HDGFL3: variants seen among roughly 807,000 people sequenced by gnomAD.
HDGFL3 encodes HDGF like 3.
In HDGFL3, 6 loss-of-function variants were observed where a neutral mutation model predicts 27.6. The observed-to-expected ratio is 0.22, with a 90% CI of 0.12 to 0.43. The LOEUF (loss-of-function observed/expected upper bound fraction) is 0.43. Among genes scored for constraint, HDGFL3 ranks in the 20% least tolerant of loss-of-function variants. The pLI is 1.00. For synonymous variants in HDGFL3, 88 were observed against 88.9 expected (o/e 0.99, Z 0.05); for missense variants, 207 against 250.1 (o/e 0.83, Z 1.16).
chr15:83,203,433 G>T (rs748462487), intron 1 of HDGFL3, among the ~76,000 whole-genome samples: 21 of 152,008 alleles, frequency 1.4e-4, no homozygotes, highest in Non-Finnish European at 2.9e-4. Flanking sequence ...TGTGTGCCCG[G>T]TTGAGCAGGA....
At chr15:83,144,138 G>A (rs967923935) in intron 5 of HDGFL3, among the ~76,000 whole-genome samples, 2 of 152,038 alleles carry the variant, frequency 1.3e-5, no homozygotes, top group African/African-American at 2.4e-5. Flanking sequence ...CAATTCTCCC[G>A]CCTCAGCCCC....
chr15:83,139,156 C>G lies in HDGFL3; in HGVS notation c.*114G>C. On this transcript the variant is annotated 3_prime_UTR_variant, in exon 6 of 6. Coordinates refer to ENST00000299633, the MANE Select transcript of HDGFL3 (RefSeq NM_016073.4). ...AATAATGTACATACAAACTGGGGTT[C>G]TGTCAATGACAACAAGGACTATGTG... 1 of 581,508 alleles carries G rather than the reference C, an allele frequency of 1.7e-6. No homozygotes were observed. The highest frequency in any genetic ancestry group is 5.6e-5 in the South Asian group (1 of 17,788). The allele number at this position is 581,508 out of a possible 1,614,324, so 36.0% of individuals were successfully genotyped here.
At chr15:83,151,104 A>C in intron 5 of HDGFL3, 111 bp downstream of exon 5, 2 of 1,000,390 alleles carry the variant, frequency 2.0e-6, no homozygotes, top group Non-Finnish European at 3.0e-6. Flanking sequence ...TAGGCTGAGA[A>C]TACTTCTCCA....
chr15:83,152,548 A>C (rs1486324179), intron 4 of HDGFL3, among the ~76,000 whole-genome samples: 5 of 152,080 alleles, frequency 3.3e-5, no homozygotes, highest in East Asian at 1.9e-4. Flanking sequence ...TAAAAATACA[A>C]AATTAGCTGG....
chr15:83,158,316 A>C (rs1182097184), intron 2 of HDGFL3, among the ~76,000 whole-genome samples: 1 of 152,224 alleles, frequency 6.6e-6, no homozygotes, highest in Non-Finnish European at 1.5e-5. Flanking sequence ...ACTGATTTTT[A>C]GTTACATAAG....
Position 83,132,367 on chromosome 15 carries a change from C to T in HDGFL3, c.*6903G>A, listed in dbSNP as rs1189179806. The stretch of plus-strand genomic sequence containing the variant: ...CTGGGTGAAAGCTTTGGGACAGACT[C>T]ACCATGGGCTTGGTAAGGAGCCTGC... On this transcript the variant is annotated 3_prime_UTR_variant, in exon 6 of 6. Coordinates refer to ENST00000299633, the MANE Select transcript of HDGFL3 (RefSeq NM_016073.4). 1 of 152,192 alleles carries T rather than the reference C, an allele frequency of 6.6e-6. No individual in the cohort carries two copies. The highest frequency in any genetic ancestry group is 2.4e-5 in the African/African-American group (1 of 41,440). 9.4% of individuals were successfully genotyped at this position (152,192 alleles called of 1,614,324 possible). A position where few individuals can be genotyped will look rare whatever the true frequency, so the allele number is the denominator to read the frequency against.
At chr15:83,124,882 AAACT>A (rs1280972488), downstream of HDGFL3, 20 of 963,012 alleles carry the variant, frequency 2.1e-5, no homozygotes, top group African/African-American at 3.0e-4. Context: ...ACTTCTTAGC[AAACT>A]AACAAACCAT....
At chr15:83,151,468 A>G (rs1356507884) in intron 4 of HDGFL3, 107 bp from the exon 5 acceptor site, 1 of 891,538 alleles carries the variant, frequency 1.1e-6, no homozygotes, top group Non-Finnish European at 1.7e-6. Context: ...TTAGTGGTTG[A>G]TAGAGGATAT....
chr15:83,156,678 C>T (rs1445332140), intron 4 of HDGFL3, among the ~76,000 whole-genome samples: 3 of 152,004 alleles, frequency 2.0e-5, no homozygotes, highest in Non-Finnish European at 4.4e-5. Flanking sequence ...TGTACAATGA[C>T]AAAATTGCCT....
intron 3 of HDGFL3, 43 bp from the exon 4 acceptor site, chr15:83,157,616 A>G (rs1487117439): frequency 1.2e-5 from 18 of 1,520,772 alleles, no homozygotes; most frequent in Admixed American, 1.8e-5. Context: ...TTTTGAAAAA[A>G]TAGCAAAGAA....
chr15:83,180,643 A>ATTTTTTTTTTTTTTT (rs34952033), intron 1 of HDGFL3, among the ~76,000 whole-genome samples: 1 of 126,374 alleles, frequency 7.9e-6, no homozygotes, highest in African/African-American at 3.1e-5. Context: ...TAACTTATCA[A>ATTTTTTTTTTTTTTT]TTTTTTTTTT....
chr15:83,167,473 G>A (rs950448319), intron 1 of HDGFL3, among the ~76,000 whole-genome samples: 6 of 151,794 alleles, frequency 4.0e-5, no homozygotes, highest in Admixed American at 1.3e-4. Context: ...CAGGAGAATT[G>A]CTTGAGCCCA....
At chr15:83,199,169 C>T (rs910060598) in intron 1 of HDGFL3, among the ~76,000 whole-genome samples, 1 of 152,148 alleles carries the variant, frequency 6.6e-6, no homozygotes, top group African/African-American at 2.4e-5. Flanking sequence ...TAGTTGGTTT[C>T]ATTTGGAACA....
Position 83,151,376 on chromosome 15 carries a change from A to G in HDGFL3, c.460-15T>C, listed in dbSNP as rs1230048223. ...TTAGAGGATTTCTAAATGTTTAGACAAGTTAAATATTATAGTCAAAAGCAG... is the reference window on the plus strand; with the variant it reads ...TTAGAGGATTTCTAAATGTTTAGACGAGTTAAATATTATAGTCAAAAGCAG... On this transcript the variant is annotated splice_polypyrimidine_tract_variant and intron_variant, in intron 4 of 5. Coordinates refer to ENST00000299633, the MANE Select transcript of HDGFL3 (RefSeq NM_016073.4). 1.3e-6 allele frequency: 2 copies of G among 1,593,084 alleles called. No individual in the cohort carries two copies. The highest frequency in any genetic ancestry group is 3.6e-5 in the Admixed American group (2 of 55,148).
intron 1 of HDGFL3, among the ~76,000 whole-genome samples, chr15:83,176,517 T>C (rs957559328): frequency 6.6e-6 from 1 of 152,182 alleles, no homozygotes; most frequent in African/African-American, 2.4e-5. Flanking sequence ...TGCAGCCCCA[T>C]GGACTGGAGC....
intron 1 of HDGFL3, 77 bp from the exon 2 acceptor site, chr15:83,164,152 C>T: frequency 1.2e-6 from 1 of 847,024 alleles, no homozygotes. Flanking sequence ...TAATTTACTG[C>T]TAATTTCAAA....
chr15:83,200,055 A>G (rs2037622534), intron 1 of HDGFL3, among the ~76,000 whole-genome samples: 1 of 145,172 alleles, frequency 6.9e-6, no homozygotes. Context: ...AAAAAAAAAA[A>G]AAAAAAGGCC....
At chr15:83,205,322 T>C (rs1218883017) in intron 1 of HDGFL3, among the ~76,000 whole-genome samples, 1 of 152,132 alleles carries the variant, frequency 6.6e-6, no homozygotes, top group Non-Finnish European at 1.5e-5. Context: ...AAAATAAAAC[T>C]TCTTTTTTTG....
intron 5 of HDGFL3, 27 bp from the exon 6 acceptor site, chr15:83,139,302 A>G (rs1241538227): frequency 3.6e-6 from 5 of 1,383,396 alleles, no homozygotes; most frequent in East Asian, 2.4e-5. Flanking sequence ...AAGAAAGAAA[A>G]CAAGCCTTTA....
Sources: allele counts gnomAD v4.1 joint callset (sites outside exome capture counted in the v4.1 genomes callset), GRCh38; gene constraint gnomAD v4.1.1; transcripts MANE v1.5; gene names NCBI Gene and HGNC (gene_info 2026-07-23, HGNC 2026-07-21).